The following DIP2C variants were observed in gnomAD, a reference collection of about 807,000 sequenced individuals.
The protein encoded by DIP2C is DIP2 acetate--CoA ligase C (putative), also known as disco-interacting protein 2 homolog C.
Under a neutral mutation model 192.4 loss-of-function variants are expected in DIP2C, and 33 were observed. That is an observed-to-expected ratio of 0.17 (90% CI 0.13 to 0.23). DIP2C has a LOEUF of 0.23. Ranked by LOEUF, DIP2C falls within the 10% of genes least tolerant of loss-of-function variation. DIP2C has a pLI of 1.00. For synonymous variants in DIP2C, 979 were observed against 864.1 expected (o/e 1.13, Z -2.33); for missense variants, 1,537 against 2,110.1 (o/e 0.73, Z 5.32).
At chr10:392,788 TGCACACAC>T (rs1963589466) in intron 10 of DIP2C, among the ~76,000 whole-genome samples, 2 of 151,308 alleles carry the variant, frequency 1.3e-5, no homozygotes, top group Admixed American at 6.6e-5. Flanking sequence ...CACGCGCCCA[TGCACACAC>T]GCGGATGCGC....
chr10:331,962 C>T (rs976383415), intron 29 of DIP2C, among the ~76,000 whole-genome samples: 9 of 151,972 alleles, frequency 5.9e-5, no homozygotes, highest in African/African-American at 1.7e-4. Context: ...TACTTTGTCA[C>T]CCAGGCTAGA....
chr10:508,392 G>GC (rs1323203631), intron 1 of DIP2C, among the ~76,000 whole-genome samples: 1 of 152,116 alleles, frequency 6.6e-6, no homozygotes, highest in African/African-American at 2.4e-5. Flanking sequence ...CAGCGTTAAT[G>GC]CCCCCATCCT....
intron 1 of DIP2C, among the ~76,000 whole-genome samples, chr10:569,645 C>T (rs1193600222): frequency 6.6e-6 from 1 of 152,144 alleles, no homozygotes. Context: ...TACACCATCA[C>T]TCCTTAAATT....
At chr10:540,046 A>C (rs1185283240) in intron 1 of DIP2C, among the ~76,000 whole-genome samples, 3 of 152,370 alleles carry the variant, frequency 2.0e-5, no homozygotes, top group Admixed American at 2.0e-4. Flanking sequence ...TGTGTTTGGC[A>C]ATAACCATGA....
At chr10:580,372 GTA>G (rs537142815) in intron 1 of DIP2C, among the ~76,000 whole-genome samples, 17 of 152,232 alleles carry the variant, frequency 1.1e-4, no homozygotes, top group Admixed American at 3.3e-4. Flanking sequence ...GTGCACACAT[GTA>G]TATATATAAG....
At chr10:496,227 G>C (rs11252772) in intron 1 of DIP2C, among the ~76,000 whole-genome samples, 1 of 104,302 alleles carries the variant, frequency 9.6e-6, no homozygotes, top group Admixed American at 8.8e-5. Context: ...CCCAAACAAC[G>C]TGAGTGCTGA....
intron 22 of DIP2C, among the ~76,000 whole-genome samples, chr10:359,750 A>C (rs907578398): frequency 6.6e-6 from 1 of 152,122 alleles, no homozygotes; most frequent in African/African-American, 2.4e-5. Context: ...CGCATCCTCT[A>C]TCTCTACCAG....
chr10:575,832 C>T (rs1474660904), intron 1 of DIP2C, among the ~76,000 whole-genome samples: 1 of 152,166 alleles, frequency 6.6e-6, no homozygotes, highest in African/African-American at 2.4e-5. Flanking sequence ...AAAGAAGAGT[C>T]AATTTAGGGT....
chr10:633,639 A>G (rs1433095927), intron 1 of DIP2C, among the ~76,000 whole-genome samples: 1 of 152,206 alleles, frequency 6.6e-6, no homozygotes, highest in Non-Finnish European at 1.5e-5. Flanking sequence ...CTCTCCATGC[A>G]AGGTGCAAAG....
chr10:489,342 C>A (rs898634120), intron 1 of DIP2C, among the ~76,000 whole-genome samples: 1 of 152,126 alleles, frequency 6.6e-6, no homozygotes, highest in African/African-American at 2.4e-5. Context: ...GTTTCCCGTG[C>A]GAATACAATC....
chr10:555,348 A>G (rs1480388441), intron 1 of DIP2C, among the ~76,000 whole-genome samples: 2 of 152,124 alleles, frequency 1.3e-5, no homozygotes, highest in Non-Finnish European at 2.9e-5. Context: ...AATTTTTCAT[A>G]AGGACAACAT....
chr10:318,548 G>A (rs1029220134), intron 31 of DIP2C, among the ~76,000 whole-genome samples: 2 of 152,194 alleles, frequency 1.3e-5, no homozygotes, highest in African/African-American at 4.8e-5. Context: ...CCCAACGCTG[G>A]TCCTACTCCC....
At chr10:424,137 C>T (rs988664843) in intron 4 of DIP2C, among the ~76,000 whole-genome samples, 12 of 152,086 alleles carry the variant, frequency 7.9e-5, no homozygotes, top group Non-Finnish European at 1.6e-4. Flanking sequence ...TTATGAGAGA[C>T]GCCAGCTCAG....
At position 485,573 on chromosome 10, in the gene DIP2C, G is replaced by C. The variant is rs544396889; in HGVS notation, c.157+886C>G. On this transcript the variant is annotated intron_variant, in intron 2 of 36. Coordinates refer to ENST00000280886, the MANE Select transcript of DIP2C (RefSeq NM_014974.3). ...TAGCAGAATCTCCACACCGTTTCCT[G>C]CAGCCTGAGCCTCAGGAAACTTTCC... Among the ~76,000 whole-genome samples the C allele has an allele frequency of 1.1e-4, 17 of 152,316 alleles. No individual in the cohort carries two copies. The East Asian group carries it at 3.1e-3, about 28-fold the overall frequency.
chr10:543,007 A>T (rs1171741305), intron 1 of DIP2C, among the ~76,000 whole-genome samples: 1 of 152,228 alleles, frequency 6.6e-6, no homozygotes, highest in Non-Finnish European at 1.5e-5. Flanking sequence ...GAAAAGTCAA[A>T]CATTGAGTGA....
intron 24 of DIP2C, 121 bp from the exon 25 acceptor site, chr10:349,575 C>A (rs1958692160): frequency 1.5e-6 from 2 of 1,366,228 alleles, no homozygotes; most frequent in South Asian, 1.5e-5. Context: ...TTAGAACAAG[C>A]ACAGACCTGT....
chr10:601,669 G>A (rs1014068706), intron 1 of DIP2C, among the ~76,000 whole-genome samples: 1 of 152,216 alleles, frequency 6.6e-6, no homozygotes, highest in African/African-American at 2.4e-5. Context: ...ACTGCACCAC[G>A]AAGGACCATT....
At chr10:348,903 C>A (rs539359439) in intron 25 of DIP2C, 141 bp from the exon 26 acceptor site, 3 of 1,305,548 alleles carry the variant, frequency 2.3e-6, no homozygotes, top group East Asian at 4.9e-5. Context: ...GTCATCCTGG[C>A]GGGTTTTGTC....
intron 1 of DIP2C, among the ~76,000 whole-genome samples, chr10:530,000 T>A (rs1847273344): frequency 6.6e-6 from 1 of 152,236 alleles, no homozygotes; most frequent in Non-Finnish European, 1.5e-5. Flanking sequence ...TGCCTGGACG[T>A]CCACCTTGCC....
Sources: allele counts gnomAD v4.1 joint callset (sites outside exome capture counted in the v4.1 genomes callset), GRCh38; gene constraint gnomAD v4.1.1; transcripts MANE v1.5; gene names NCBI Gene and HGNC (gene_info 2026-07-23, HGNC 2026-07-21).